SCML4: variants seen among roughly 807,000 people sequenced by gnomAD.
SCML4 encodes the protein Scm polycomb group protein like 4, also known as sex comb on midleg-like protein 4.
Under a neutral mutation model 41.1 loss-of-function variants are expected in SCML4, and 34 were observed. The ratio of observed to expected loss-of-function variants is 0.83; its 90% CI spans 0.63 to 1.10. The LOEUF is 1.10. Among genes scored for constraint, SCML4 ranks in the 50% least tolerant of loss-of-function variants. The pLI is 0.00. For missense variants in SCML4, 522 were observed against 534.1 expected, an observed-to-expected ratio of 0.98 and a Z score of 0.22; for synonymous variants, 214 against 220.9, an observed-to-expected ratio of 0.97 and a Z score of 0.28.
rs756903575 is a variant in SCML4 at position 107,745,006 on chromosome 6, T to G, written c.625A>C (p.Arg209=). The part of the protein sequence containing the change: ...DDLFSHQPFP[R]GCSASEKVQE... ...ACTTTCTCAGAGGCACTGCAGCCCC[T>G]GGGGAAGGGCTGGTGGCTGAAGAGG... Residue 209 remains arginine, a synonymous_variant, in exon 5 of 8, where the codon AGG becomes CGG. Coordinates refer to ENST00000369020, the MANE Select transcript of SCML4 (RefSeq NM_198081.5). The G allele has an allele frequency of 6.2e-7, 1 of 1,613,870 alleles. No homozygotes were observed. The highest frequency in any genetic ancestry group is 1.1e-5 in the South Asian group (1 of 91,038).
chr6:107,809,850 C>T (rs1380496894), intron 1 of SCML4, among the ~76,000 whole-genome samples: 1 of 150,064 alleles, frequency 6.7e-6, no homozygotes, highest in Non-Finnish European at 1.5e-5. Context: ...TTATGCACCT[C>T]TCTCTCTCTC....
At chr6:107,826,355 T>C (rs931684569), upstream of SCML4, among the ~76,000 whole-genome samples, 3 of 151,800 alleles carry the variant, frequency 2.0e-5, no homozygotes, top group African/African-American at 7.3e-5. Flanking sequence ...ATGATTTAAG[T>C]TTGGACAGCA....
intron 1 of SCML4, among the ~76,000 whole-genome samples, chr6:107,797,329 T>G (rs1043421585): frequency 6.6e-6 from 1 of 152,086 alleles, no homozygotes; most frequent in South Asian, 2.1e-4. Flanking sequence ...TGTGCAGGTT[T>G]TGGTGTAGAC....
Position 107,745,123 on chromosome 6 carries a change from T to C in SCML4, c.508A>G (p.Lys170Glu). Reference sequence around the variant, plus strand: ...ACAGGCAGGCTCCGCAGGTGCTGTTTGCCATCAAAGGAAGCCGAGACTGGA... The same window carrying C: ...ACAGGCAGGCTCCGCAGGTGCTGTTCGCCATCAAAGGAAGCCGAGACTGGA... Reference protein sequence around the residue: ...MVSVSASFDGKQHLRSLPVVN... With the variant: ...MVSVSASFDGEQHLRSLPVVN... Residue 170 changes from lysine (K) to glutamate (E), a missense_variant, in exon 5 of 8, where the codon AAA becomes GAA. Physicochemically the swap from Lys to Glu is moderately conservative, Grantham distance 56. Transcript: ENST00000369020. The C allele has an allele frequency of 6.3e-7, 1 of 1,590,506 alleles. No homozygotes were observed. Among genetic ancestry groups the C allele is most frequent in the South Asian group, 1.1e-5 (1 of 88,060 alleles).
At position 107,738,807 on chromosome 6, in the gene SCML4, G is replaced by T. The variant is rs376580104; in HGVS notation, c.682+6142C>A. 4.6e-5 allele frequency among the ~76,000 whole-genome samples: 7 copies of T among 152,136 alleles called. No homozygotes were observed. In the East Asian group the frequency reaches 1.2e-3, roughly 25 times the overall value. ...GTAACCTGCCCTCCCGCTGTACAGG[G>T]CTGTTCTCTGCCACCTCCAGCCCGG... is the stretch of plus-strand genomic sequence containing the variant. On this transcript the variant is annotated intron_variant, in intron 5 of 7. Transcript: ENST00000369020.
In SCML4 at chr6:107,820,434, G is replaced by T. The variant is rs77173822; in HGVS notation, c.-60+3692C>A. Among the ~76,000 whole-genome samples the T allele has an allele frequency of 4.5e-3, 691 of 152,280 alleles. 5 individuals are homozygous for T. The highest frequency in any genetic ancestry group is 0.025 in the East Asian group (129 of 5,190). Reference sequence around the variant, plus strand: ...CATGTCTGAGAAGGGCTGTTGTGGGGCAGGCTGCTCTGCAATGCTGAATGC... The same window carrying T: ...CATGTCTGAGAAGGGCTGTTGTGGGTCAGGCTGCTCTGCAATGCTGAATGC... On this transcript the variant is annotated intron_variant, in intron 1 of 7. Transcript: ENST00000369020.
At chr6:107,761,522 T>C (rs4946857) in intron 2 of SCML4, among the ~76,000 whole-genome samples, 110,424 of 151,258 alleles carry the variant, frequency 0.73, 41,794 homozygotes, top group East Asian at 0.9. Context: ...CTGCAACCAC[T>C]GCTTCCTGGG....
intron 2 of SCML4, among the ~76,000 whole-genome samples, chr6:107,756,707 G>T (rs939795072): frequency 6.6e-6 from 1 of 152,146 alleles, no homozygotes; most frequent in Non-Finnish European, 1.5e-5. Flanking sequence ...CAGGTGCGGG[G>T]TACGTGAGAA....
At chr6:107,803,174 G>C (rs1416517811) in intron 1 of SCML4, among the ~76,000 whole-genome samples, 1 of 150,906 alleles carries the variant, frequency 6.6e-6, no homozygotes, top group East Asian at 2.0e-4. Context: ...CCCCATCTGG[G>C]AAGTGAGGAG....
In SCML4 at chr6:107,720,690, T is replaced by G. The variant is rs771818330; in HGVS notation, c.973+13A>C. The G allele has an allele frequency of 1.2e-5, 18 of 1,527,996 alleles. No individual in the cohort carries two copies. Among genetic ancestry groups the G allele is most frequent in the Non-Finnish European group, 1.5e-5 (17 of 1,139,024 alleles). 94.7% of individuals were successfully genotyped at this position (1,527,996 alleles called of 1,614,324 possible). A position where few individuals can be genotyped will look rare whatever the true frequency, so the allele number is the denominator to read the frequency against. On this transcript the variant is annotated intron_variant, in intron 6 of 7. Coordinates refer to ENST00000369020, the MANE Select transcript of SCML4 (RefSeq NM_198081.5). ...GTTAAGTCAGTGGGAAGCTGATGCATGCATTACATTACCACATCTGTTTCC... is the reference window on the plus strand; with the variant it reads ...GTTAAGTCAGTGGGAAGCTGATGCAGGCATTACATTACCACATCTGTTTCC...
intron 1 of SCML4, among the ~76,000 whole-genome samples, chr6:107,780,679 C>A (rs944264406): frequency 6.6e-6 from 1 of 151,786 alleles, no homozygotes; most frequent in African/African-American, 2.4e-5. Context: ...TGCACTCCAG[C>A]CTAGGCGACA....
At chr6:107,808,430 G>GTTTTTA (rs1783910703) in intron 1 of SCML4, among the ~76,000 whole-genome samples, 1 of 151,998 alleles carries the variant, frequency 6.6e-6, no homozygotes, top group African/African-American at 2.4e-5. Context: ...TTTTGTTTTT[G>GTTTTTA]TTTTTGTTTT....
intron 1 of SCML4, among the ~76,000 whole-genome samples, chr6:107,780,114 T>A (rs1301770687): frequency 6.6e-6 from 1 of 152,122 alleles, no homozygotes; most frequent in African/African-American, 2.4e-5. Flanking sequence ...CACTGTGGAG[T>A]CTAGACATCT....
intron 5 of SCML4, among the ~76,000 whole-genome samples, chr6:107,735,474 A>G (rs1219904286): frequency 6.6e-6 from 1 of 151,184 alleles, no homozygotes; most frequent in African/African-American, 2.4e-5. Context: ...TTTTTTCTTC[A>G]AGTTTTTTTT....
intron 2 of SCML4, among the ~76,000 whole-genome samples, chr6:107,766,266 A>G (rs1196065377): frequency 6.6e-6 from 1 of 151,632 alleles, no homozygotes; most frequent in East Asian, 1.9e-4. Flanking sequence ...GCTACTCAGG[A>G]GGCTGAGGCA....
chr6:107,717,165 A>C (rs1774910214), intron 6 of SCML4, among the ~76,000 whole-genome samples: 1 of 141,220 alleles, frequency 7.1e-6, no homozygotes, highest in Non-Finnish European at 1.5e-5. Flanking sequence ...AAAAAAAAAA[A>C]AAAAAAAAGC....
intron 3 of SCML4, among the ~76,000 whole-genome samples, chr6:107,748,399 G>GTTTTTTTGT (rs541497384): frequency 3.4e-4 from 51 of 152,056 alleles, no homozygotes; most frequent in African/African-American, 1.2e-3. Context: ...AGGTTTTTTT[G>GTTTTTTTGT]TTTTTTTGTT....
intron 6 of SCML4, among the ~76,000 whole-genome samples, chr6:107,710,898 G>T (rs1774150470): frequency 1.5e-5 from 1 of 67,342 alleles, no homozygotes; most frequent in African/African-American, 6.0e-5. Context: ...TAAATCCCAG[G>T]GCCACCAGCT....
the SCML4 span, among the ~76,000 whole-genome samples, chr6:107,835,018 C>G: frequency 6.6e-6 from 1 of 151,254 alleles, no homozygotes. Flanking sequence ...TCTTAAAAGA[C>G]AAAATATAAT....
Sources: allele counts gnomAD v4.1 joint callset (sites outside exome capture counted in the v4.1 genomes callset), GRCh38; gene constraint gnomAD v4.1.1; transcripts MANE v1.5; gene names NCBI Gene and HGNC (gene_info 2026-07-23, HGNC 2026-07-21).